KPNA7: variants seen among roughly 807,000 people sequenced by gnomAD.
KPNA7 encodes karyopherin subunit alpha 7.
In KPNA7, 54 loss-of-function variants were observed where a neutral mutation model predicts 53.7. That is an observed-to-expected ratio of 1.01 (90% confidence interval 0.81 to 1.26). KPNA7 has a LOEUF of 1.26. Among genes scored for constraint, KPNA7 ranks in the 50% most tolerant of loss-of-function variants. The probability of loss-of-function intolerance (pLI) is 0.00; values close to 1 mark genes in which losing one functional copy is unlikely to be tolerated. For missense variants in KPNA7, 640 were observed against 644.5 expected, an observed-to-expected ratio of 0.99 and a Z score of 0.07; for synonymous variants, 276 against 259.3, an observed-to-expected ratio of 1.06 and a Z score of -0.62.
At chr7:99,180,564 T>TCC (rs1799130613) in intron 9 of KPNA7, among the ~76,000 whole-genome samples, 1 of 151,150 alleles carries the variant, frequency 6.6e-6, no homozygotes, top group African/African-American at 2.4e-5. Flanking sequence ...TCTCTGTCTC[T>TCC]GTCCATCTGT....
chr7:99,203,151 G>C lies in KPNA7; in HGVS notation c.156C>G (p.Ser52Arg). The C allele has an allele frequency of 6.4e-7, 1 of 1,551,654 alleles. No individual in the cohort carries two copies. Among genetic ancestry groups the C allele is most frequent in the Non-Finnish European group, 8.7e-7 (1 of 1,146,974 alleles). The change falls in exon 3 of 11, where the codon AGC becomes AGG. Residue 52 changes from serine to arginine, a missense_variant. Physicochemically the swap from Ser to Arg is moderately radical, Grantham distance 110. Transcript: ENST00000327442. ...EQTLKRRNITSFCPDTPSEKT... is the reference protein window; with the variant it reads ...EQTLKRRNITRFCPDTPSEKT... ...TTTCAGAAGGTGTGTCAGGGCAGAAGCTCGTGATATTCCTTCTCTTTAAGG... is the reference window on the plus strand; with the variant it reads ...TTTCAGAAGGTGTGTCAGGGCAGAACCTCGTGATATTCCTTCTCTTTAAGG...
chr7:99,159,352 A>C, the KPNA7 span, among the ~76,000 whole-genome samples: 1 of 131,880 alleles, frequency 7.6e-6, no homozygotes, highest in Non-Finnish European at 1.6e-5. Flanking sequence ...CTGTCTCAAA[A>C]AAAAAAAAAA....
At chr7:99,151,914 G>GT in the KPNA7 span, among the ~76,000 whole-genome samples, 1 of 152,140 alleles carries the variant, frequency 6.6e-6, no homozygotes, top group Non-Finnish European at 1.5e-5. Context: ...GCTGGGCACG[G>GT]TGGCTCACGC....
At chr7:99,176,074 G>A (rs184807582) in intron 10 of KPNA7, among the ~76,000 whole-genome samples, 32 of 151,856 alleles carry the variant, frequency 2.1e-4, no homozygotes, top group African/African-American at 6.8e-4. Context: ...CGAGGCAGGC[G>A]GATCACGAGG....
upstream of KPNA7, among the ~76,000 whole-genome samples, chr7:99,210,749 T>A (rs1431834983): frequency 6.6e-6 from 1 of 151,904 alleles, no homozygotes; most frequent in Non-Finnish European, 1.5e-5. Context: ...TCACCAAGGC[T>A]GGCTAATTTG....
Position 99,181,969 on chromosome 7 carries a change from C to T in KPNA7, c.1231G>A (p.Val411Ile), listed in dbSNP as rs544307901. The T allele has an allele frequency of 7.7e-6, 12 of 1,551,324 alleles. No homozygotes were observed. The highest frequency in any genetic ancestry group is 4.1e-5 in the African/African-American group (3 of 73,130). Reference sequence around the variant, plus strand: ...AGCAGATTCACCAGTGGCTCCAGGACCCCAGAGTGGACGAGCTGGATCAGC... The same window carrying T: ...AGCAGATTCACCAGTGGCTCCAGGATCCCAGAGTGGACGAGCTGGATCAGC... ...DQLIQLVHSGVLEPLVNLLTA... is the reference protein window; with the variant it reads ...DQLIQLVHSGILEPLVNLLTA... Residue 411 changes from valine (V) to isoleucine (I), a missense_variant, in exon 9 of 11, where the codon GTC becomes ATC. Transcript: ENST00000327442.
At chr7:99,149,996 A>G in the KPNA7 span, among the ~76,000 whole-genome samples, 8 of 152,014 alleles carry the variant, frequency 5.3e-5, no homozygotes, top group African/African-American at 1.9e-4. Context: ...ACAGGGTTTC[A>G]CCATGTTGGC....
chr7:99,158,044 C>T, the KPNA7 span, among the ~76,000 whole-genome samples: 1 of 151,806 alleles, frequency 6.6e-6, no homozygotes, highest in Non-Finnish European at 1.5e-5. Flanking sequence ...CATGCCACCA[C>T]ATTTGGCTAA....
the KPNA7 span, among the ~76,000 whole-genome samples, chr7:99,158,573 G>A: frequency 2.0e-5 from 3 of 151,962 alleles, no homozygotes; most frequent in East Asian, 3.9e-4. Context: ...GCACGATCTC[G>A]GCTCACTGTA....
chr7:99,165,316 AAG>A, the KPNA7 span, among the ~76,000 whole-genome samples: 1 of 151,270 alleles, frequency 6.6e-6, no homozygotes, highest in Non-Finnish European at 1.5e-5. Flanking sequence ...AAAAAAAAAA[AAG>A]GCTCAGAGAA....
At chr7:99,188,232 G>T in intron 7 of KPNA7, 68 bp downstream of exon 7, 1 of 1,301,358 alleles carries the variant, frequency 7.7e-7, no homozygotes, top group Non-Finnish European at 1.1e-6. Flanking sequence ...GACAAACCTT[G>T]CCCCAGAACC....
At chr7:99,161,598 T>C in the KPNA7 span, among the ~76,000 whole-genome samples, 1 of 152,188 alleles carries the variant, frequency 6.6e-6, no homozygotes, top group Non-Finnish European at 1.5e-5. Flanking sequence ...ATTTGTTATA[T>C]AGCAAGTAAC....
At chr7:99,198,222 C>CA (rs979659505) in intron 3 of KPNA7, among the ~76,000 whole-genome samples, 120 of 150,932 alleles carry the variant, frequency 8.0e-4, no homozygotes, top group African/African-American at 2.6e-3. Context: ...AACTCCATCT[C>CA]AAAAAAAACA....
At chr7:99,148,246 C>T in the KPNA7 span, among the ~76,000 whole-genome samples, 56 of 152,124 alleles carry the variant, frequency 3.7e-4, no homozygotes. Context: ...CTCAAGTGTC[C>T]TCTTTGCAAT....
At chr7:99,155,905 C>T in the KPNA7 span, among the ~76,000 whole-genome samples, 12 of 152,022 alleles carry the variant, frequency 7.9e-5, no homozygotes, top group Non-Finnish European at 1.6e-4. Flanking sequence ...GGCATCTTAG[C>T]CATTCTGTCT....
At chr7:99,183,241 G>T (rs1283789279) in intron 8 of KPNA7, among the ~76,000 whole-genome samples, 1 of 151,184 alleles carries the variant, frequency 6.6e-6, no homozygotes, top group Non-Finnish European at 1.5e-5. Context: ...GACAGAGCGA[G>T]ACTCCATCTC....
At chr7:99,218,062 T>C (rs1235651562) in intron 1 of KPNA7, among the ~76,000 whole-genome samples, 1 of 149,296 alleles carries the variant, frequency 6.7e-6, no homozygotes, top group South Asian at 2.2e-4. Context: ...CAGGTTGAAG[T>C]GATCTCGGCT....
At chr7:99,200,152 C>A (rs1179256004) in intron 3 of KPNA7, among the ~76,000 whole-genome samples, 1 of 152,220 alleles carries the variant, frequency 6.6e-6, no homozygotes, top group Non-Finnish European at 1.5e-5. Flanking sequence ...ATCCATCCGC[C>A]TCAGCCTCCT....
upstream of KPNA7, among the ~76,000 whole-genome samples, chr7:99,212,123 C>G (rs1388022522): frequency 6.6e-6 from 1 of 151,734 alleles, no homozygotes; most frequent in Non-Finnish European, 1.5e-5. Context: ...TTACTCCTAG[C>G]AACACATCAG....
Sources: allele counts gnomAD v4.1 joint callset (sites outside exome capture counted in the v4.1 genomes callset), GRCh38; gene constraint gnomAD v4.1.1; transcripts MANE v1.5; gene names NCBI Gene and HGNC (gene_info 2026-07-23, HGNC 2026-07-21).